The following SH3GL1 variants were observed in gnomAD, a reference collection of about 807,000 sequenced individuals.
SH3GL1 encodes the protein endophilin-A2.
A neutral mutation model predicts 48.8 loss-of-function variants in SH3GL1; 21 were observed. The observed-to-expected ratio is 0.43, with a 90% CI of 0.30 to 0.62. The LOEUF (loss-of-function observed/expected upper bound fraction) is 0.62, where lower values mean the gene tolerates loss of function less well. Ranked by LOEUF, SH3GL1 falls within the 20% of genes least tolerant of loss-of-function variation. SH3GL1 has a pLI of 0.11. For missense variants in SH3GL1, 454 were observed against 503.0 expected (o/e 0.90, Z 0.93); for synonymous variants, 282 against 217.5 (o/e 1.30, Z -2.61).
At chr19:4,366,649 G>A (rs922156894) in intron 2 of SH3GL1, 76 bp from the exon 3 acceptor site, 162 of 1,361,912 alleles carry the variant, frequency 1.2e-4, no homozygotes, top group African/African-American at 3.0e-4. Context: ...CTGCTGCACC[G>A]CCTCCTGCCC....
chr19:4,361,616 A>T lies in SH3GL1; in HGVS notation c.1091T>A (p.Val364Glu). Residue 364 changes from valine to glutamate, a missense_variant, in exon 10 of 10, where the codon GTG becomes GAG. Val to Glu is a moderately radical substitution (Grantham distance 121). Around this residue, in one of 2 missense-constraint regions of SH3GL1, gnomAD observed 278 missense variants for 246.8 expected, o/e 1.13. Coordinates refer to ENST00000269886, the MANE Select transcript of SH3GL1 (RefSeq NM_003025.4). ...ACGGGTGAGTCACTGCGGCAGGGGC[A>T]CAAGCACCTCCACGTAGCTGAGCGG... The part of the protein sequence containing the change: ...FFPLSYVEVL[V>E]PLPQ 1 of 1,601,006 alleles carries T rather than the reference A, an allele frequency of 6.2e-7. No homozygotes were observed.
intron 1 of SH3GL1, among the ~76,000 whole-genome samples, chr19:4,397,084 G>T (rs1404784874): frequency 6.6e-6 from 1 of 152,154 alleles, no homozygotes; most frequent in Non-Finnish European, 1.5e-5. Flanking sequence ...AGCAGAGGGT[G>T]AAAGAGTTGT....
At position 4,400,081 on chromosome 19, in the gene SH3GL1, G is replaced by A. The variant is rs1032461484; in HGVS notation, c.45+243C>T. Among the ~76,000 whole-genome samples the A allele has an allele frequency of 7.2e-5, 11 of 152,144 alleles. No homozygotes were observed. The highest frequency in any genetic ancestry group is 4.6e-4 in the Admixed American group (7 of 15,292). Reference sequence around the variant, plus strand: ...GGGGAGAGGTCCGCGTCCCTGGGCAGCCCAGGGTGCCTCTCCCCTCCTCCC... The same window carrying A: ...GGGGAGAGGTCCGCGTCCCTGGGCAACCCAGGGTGCCTCTCCCCTCCTCCC... On this transcript the variant is annotated intron_variant, in intron 1 of 9. Transcript: ENST00000269886. The surrounding 1 kb of genome is among the most constrained non-coding windows in gnomAD (Gnocchi z 4.1).
At chr19:4,377,808 G>T (rs1973040254) in intron 1 of SH3GL1, among the ~76,000 whole-genome samples, 1 of 152,332 alleles carries the variant, frequency 6.6e-6, no homozygotes, top group East Asian at 1.9e-4. Context: ...TGCTGACCAC[G>T]GCCTCAGCAC....
In SH3GL1 at chr19:4,382,626, A is replaced by G. The variant is rs1247107527; in HGVS notation, c.46-15632T>C. Among the ~76,000 whole-genome samples the G allele has an allele frequency of 2.0e-5, 3 of 151,632 alleles. No homozygotes were observed. The East Asian group carries it at 5.8e-4, about 29-fold the overall frequency. ...TGTGGATAAGCCAGGATAATCTCCC[A>G]CCCCCAGGTCCGTACCCTTTGTCCC... On this transcript the variant is annotated intron_variant, in intron 1 of 9. Transcript: ENST00000269886.
intron 1 of SH3GL1, among the ~76,000 whole-genome samples, chr19:4,392,143 A>G (rs1463246572): frequency 2.0e-5 from 3 of 152,198 alleles, no homozygotes; most frequent in Non-Finnish European, 4.4e-5. Context: ...ACCAGCCCAC[A>G]CAAAAGTGCC....
In SH3GL1 at chr19:4,362,658, C is replaced by T. The variant is rs1167827794; in HGVS notation, c.807G>A (p.Glu269=). 5 of 1,613,914 alleles carry T rather than the reference C, an allele frequency of 3.1e-6. No individual in the cohort carries two copies. Among genetic ancestry groups the T allele is most frequent in the Admixed American group, 3.3e-5 (2 of 60,010 alleles). ...TGCAGGGGAAGCCCCCGTTGGACTG[C>T]TCAGGCTCTCCAAGGTCAAAGGGCT... ...PREPFDLGEP[E]QSNGGFPCTT... is the part of the protein sequence containing the mutation. Residue 269 remains glutamate (E), a synonymous_variant, in exon 8 of 10, where the codon GAG becomes GAA. Coordinates refer to ENST00000269886, the MANE Select transcript of SH3GL1 (RefSeq NM_003025.4).
In SH3GL1 at chr19:4,361,435, CCCAAGTGT is replaced by C. The variant is rs1205653715; in HGVS notation, c.*157_*164del. The stretch of plus-strand genomic sequence containing the variant: ...CCACCCACCCAGATAAGCCCCCCCA[CCCAAGTGT>C]GGGGTCCTGCTCAGGGAGTACCTCA... On this transcript the variant is annotated 3_prime_UTR_variant, in exon 10 of 10. Transcript: ENST00000269886. 17 of 603,752 alleles carry C rather than the reference CCCAAGTGT, an allele frequency of 2.8e-5. No individual in the cohort carries two copies. Among genetic ancestry groups the C allele is most frequent in the Non-Finnish European group, 4.7e-5 (16 of 342,198 alleles). 37.4% of individuals were successfully genotyped at this position (603,752 alleles called of 1,614,324 possible). A position where few individuals can be genotyped will look rare whatever the true frequency, so the allele number is the denominator to read the frequency against.
chr19:4,369,408 C>T (rs1045711773), intron 1 of SH3GL1, among the ~76,000 whole-genome samples: 7 of 152,244 alleles, frequency 4.6e-5, no homozygotes, highest in African/African-American at 1.7e-4. Context: ...GGCTGCGAAA[C>T]CACACCTTCT....
intron 1 of SH3GL1, among the ~76,000 whole-genome samples, chr19:4,379,457 C>T (rs1289297496): frequency 6.6e-6 from 1 of 151,750 alleles, no homozygotes; most frequent in Non-Finnish European, 1.5e-5. Flanking sequence ...CAGCAAAGGA[C>T]CAAGAGAGAA....
chr19:4,383,745 A>G (rs1568418191), intron 1 of SH3GL1, among the ~76,000 whole-genome samples: 1 of 152,170 alleles, frequency 6.6e-6, no homozygotes. Flanking sequence ...AAATCCCAAA[A>G]ATGTGAGAAA....
rs772466110 is a variant in SH3GL1 at position 4,367,031 on chromosome 19, G to A, written c.46-37C>T. On this transcript the variant is annotated intron_variant, in intron 1 of 9. Transcript: ENST00000269886. The surrounding 1 kb of genome is among the most constrained non-coding windows in gnomAD (Gnocchi z 4.2). ...AAGAGGGGAAACGCTGTGAGCCCAG[G>A]GGTAGGAGGAAGAAGAGGACAGGAG... The A allele has an allele frequency of 1.3e-6, 2 of 1,598,648 alleles. No individual in the cohort carries two copies. The highest frequency in any genetic ancestry group is 2.2e-5 in the East Asian group (1 of 44,798).
Position 4,396,428 on chromosome 19 carries a change from T to C in SH3GL1, c.45+3896A>G, listed in dbSNP as rs914207585. On this transcript the variant is annotated intron_variant, in intron 1 of 9. Transcript: ENST00000269886. Reference sequence around the variant, plus strand: ...AACAAACAAACAAACAAAAACAAACTACACATGTGGCTATCTGTGTTTAGC... The same window carrying C: ...AACAAACAAACAAACAAAAACAAACCACACATGTGGCTATCTGTGTTTAGC... Among the ~76,000 whole-genome samples, 4 of 152,040 alleles carry C rather than the reference T, an allele frequency of 2.6e-5. No homozygotes were observed. The South Asian group carries it at 8.3e-4, about 32-fold the overall frequency.
chr19:4,381,917 T>C (rs1208108197), intron 1 of SH3GL1, among the ~76,000 whole-genome samples: 1 of 151,758 alleles, frequency 6.6e-6, no homozygotes, highest in Non-Finnish European at 1.5e-5. Context: ...ATGGTCTCGA[T>C]GACCACAACA....
chr19:4,384,116 G>A (rs1026271499), intron 1 of SH3GL1, among the ~76,000 whole-genome samples: 3 of 152,188 alleles, frequency 2.0e-5, no homozygotes, highest in Non-Finnish European at 2.9e-5. Context: ...CTGTGAGCGC[G>A]GCCTCACTGT....
In SH3GL1 at chr19:4,363,478, G is replaced by T. The variant is rs1233127819; in HGVS notation, c.625-5C>A. 1 of 1,609,228 alleles carries T rather than the reference G, an allele frequency of 6.2e-7. No individual in the cohort carries two copies. Among genetic ancestry groups the T allele is most frequent in the South Asian group, 1.1e-5 (1 of 90,618 alleles). ...GAGCTGACTCACCTGCTCGATCTGT[G>T]GGGACAGTAGGGCTCAGGGGCTCCT... On this transcript the variant is annotated splice_region_variant and splice_polypyrimidine_tract_variant and intron_variant, in intron 6 of 9. Coordinates refer to ENST00000269886, the MANE Select transcript of SH3GL1 (RefSeq NM_003025.4).
Position 4,361,521 on chromosome 19 carries a change from GGGCTCCGT to G in SH3GL1, c.*71_*78del. ...GGCTCAGACACCGCCCTGGCAGCAG[GGGCTCCGT>G]GGAATGCAGGAGACCCAGCAGGGGG... On this transcript the variant is annotated 3_prime_UTR_variant, in exon 10 of 10. Transcript: ENST00000269886. 1.7e-6 allele frequency: 2 copies of G among 1,150,918 alleles called. No individual in the cohort carries two copies. Among genetic ancestry groups the G allele is most frequent in the Non-Finnish European group, 2.5e-6 (2 of 808,698 alleles). The allele number at this position is 1,150,918 out of a possible 1,614,324, so 71.3% of individuals were successfully genotyped here.
At chr19:4,395,476 G>A (rs920490408) in intron 1 of SH3GL1, 3 of 152,110 alleles carry the variant, frequency 2.0e-5, no homozygotes, top group Non-Finnish European at 4.4e-5. Flanking sequence ...TCATATGTAC[G>A]GGAAATTCCA....
chr19:4,379,254 G>A (rs554692951), intron 1 of SH3GL1, among the ~76,000 whole-genome samples: 1 of 151,952 alleles, frequency 6.6e-6, no homozygotes, highest in South Asian at 2.1e-4. Context: ...GGGAGTTCAA[G>A]ACCAGCCTGG....
Sources: gnomAD v4.1 joint callset for allele counts (sites outside exome capture counted in the v4.1 genomes callset) on GRCh38, gnomAD v4.1.1 for gene constraint, gnomAD v4.1.1 regional missense constraint, Gnocchi (gnomAD v3.1) non-coding constraint, MANE v1.5 for transcripts, NCBI Gene and HGNC (gene_info 2026-07-23, HGNC 2026-07-21) for gene names.